HEPHL1: variants seen among roughly 807,000 people sequenced by gnomAD.
HEPHL1 encodes ferroxidase HEPHL1.
HEPHL1 carries 123 observed loss-of-function variants against 122.0 expected under a neutral mutation model. The ratio of observed to expected loss-of-function variants is 1.01; its 90% CI spans 0.87 to 1.17. The LOEUF (loss-of-function observed/expected upper bound fraction) is 1.17, where lower values mean the gene tolerates loss of function less well. Among genes scored for constraint, HEPHL1 ranks in the 50% most tolerant of loss-of-function variants. The pLI is 0.00. For missense variants in HEPHL1, 1,452 were observed against 1,430.5 expected, an observed-to-expected ratio of 1.01 and a Z score of -0.24; for synonymous variants, 527 against 508.9, an observed-to-expected ratio of 1.04 and a Z score of -0.48.
intron 2 of HEPHL1, chr11:94,055,384 C>T (rs532448387): frequency 4.6e-6 from 1 of 219,510 alleles, no homozygotes. Flanking sequence ...TCTGCAAGGT[C>T]GTTGCTAACC....
chr11:94,082,301 G>T, intron 9 of HEPHL1, 117 bp from the exon 10 acceptor site: 1 of 619,660 alleles, frequency 1.6e-6, no homozygotes, highest in Non-Finnish European at 2.6e-6. Context: ...GCGAACTCTT[G>T]GGCTGATGTT....
rs759918213 is a variant in HEPHL1 at position 94,067,640 on chromosome 11, A to G, written c.953A>G (p.His318Arg). 4.3e-6 allele frequency: 7 copies of G among 1,613,724 alleles called. No individual in the cohort carries two copies. The South Asian group carries it at 4.4e-5, about 10-fold the overall frequency. The change falls in exon 5 of 20, where the codon CAT (histidine) becomes CGT (arginine). Residue 318 changes from histidine (H) to arginine (R), a missense_variant. Coordinates refer to ENST00000315765, the MANE Select transcript of HEPHL1 (RefSeq NM_001098672.2). ...GGTAACACCTTCATCAGCAGAGGGC[A>G]TCGGACTGATGTCGTCAACCTGTTC... is the stretch of plus-strand genomic sequence containing the variant. ...FYGNTFISRG[H>R]RTDVVNLFPA...
At chr11:94,062,180 T>A (rs748518758) in intron 2 of HEPHL1, among the ~76,000 whole-genome samples, 3 of 152,188 alleles carry the variant, frequency 2.0e-5, no homozygotes, top group Non-Finnish European at 4.4e-5. Flanking sequence ...CCAGTAACTT[T>A]GATGGGAAGT....
rs368010496 is a variant in HEPHL1 at position 94,021,492 on chromosome 11, C to T, written c.124C>T (p.Pro42Ser). ...TGTGGAAGAATACTGGAACTATGTACCCCAAGGGAAGAATGTTATTACTGG... is the reference window on the plus strand; with the variant it reads ...TGTGGAAGAATACTGGAACTATGTATCCCAAGGGAAGAATGTTATTACTGG... Reference protein sequence around the residue: ...GIVEEYWNYVPQGKNVITGKS... With the variant: ...GIVEEYWNYVSQGKNVITGKS... Residue 42 changes from proline (P) to serine (S), a missense_variant, in exon 1 of 20, where the codon CCC becomes TCC. Pro to Ser is a moderately conservative substitution (Grantham distance 74). Coordinates refer to ENST00000315765, the MANE Select transcript of HEPHL1 (RefSeq NM_001098672.2). The T allele has an allele frequency of 1.2e-5, 20 of 1,612,390 alleles. No homozygotes were observed. In the East Asian group the frequency reaches 3.8e-4, roughly 31 times the overall value.
At chr11:94,033,098 G>A (rs1945690844) in intron 1 of HEPHL1, among the ~76,000 whole-genome samples, 1 of 152,184 alleles carries the variant, frequency 6.6e-6, no homozygotes, top group Non-Finnish European at 1.5e-5. Flanking sequence ...CTGCGCACTT[G>A]TTTTTCAAGT....
In HEPHL1 at chr11:94,078,571, CA is replaced by C. The variant is rs761954122; in HGVS notation, c.1716+3187del. 1.9e-3 allele frequency among the ~76,000 whole-genome samples: 290 copies of C among 151,258 alleles called. 1 individual carries two copies. Among genetic ancestry groups the C allele is most frequent in the Non-Finnish European group, 2.1e-3 (140 of 67,880 alleles). ...TCTCAGCACCTGCAGGCTGAGTCAACAGGCAGAAGACCCAGGAGAGCCAATG... is the reference window on the plus strand; with the variant it reads ...TCTCAGCACCTGCAGGCTGAGTCAACGGCAGAAGACCCAGGAGAGCCAATG... On this transcript the variant is annotated intron_variant, in intron 9 of 19. Transcript: ENST00000315765.
Position 94,032,692 on chromosome 11 carries a change from C to T in HEPHL1, c.170+11154C>T, listed in dbSNP as rs184838563. Among the ~76,000 whole-genome samples the T allele has an allele frequency of 2.4e-3, 368 of 152,084 alleles. 2 individuals are homozygous for T. Among genetic ancestry groups the T allele is most frequent in the African/African-American group, 7.5e-3 (310 of 41,484 alleles). ...AGGTAACCACCAGGTGATGGTCAGGCGGTTGTTAACTGTCTCTCTAAAGTA... is the reference window on the plus strand; with the variant it reads ...AGGTAACCACCAGGTGATGGTCAGGTGGTTGTTAACTGTCTCTCTAAAGTA... On this transcript the variant is annotated intron_variant, in intron 1 of 19. Coordinates refer to ENST00000315765, the MANE Select transcript of HEPHL1 (RefSeq NM_001098672.2).
intron 13 of HEPHL1, among the ~76,000 whole-genome samples, chr11:94,096,931 G>T (rs946016553): frequency 6.6e-6 from 1 of 151,868 alleles, no homozygotes; most frequent in Admixed American, 6.6e-5. Context: ...TAGTCTTGCT[G>T]GCAGTCTGTC....
At chr11:94,093,312 G>A (rs965001338) in intron 12 of HEPHL1, among the ~76,000 whole-genome samples, 189 bp from the exon 13 acceptor site, 6 of 152,052 alleles carry the variant, frequency 3.9e-5, no homozygotes, top group Non-Finnish European at 8.8e-5. Flanking sequence ...CAGAACTGAA[G>A]GAGCTTTAAA....
chr11:94,102,709 G>C (rs1946377369), intron 14 of HEPHL1, among the ~76,000 whole-genome samples: 2 of 152,200 alleles, frequency 1.3e-5, no homozygotes, highest in South Asian at 4.1e-4. Context: ...GGGAAGGCTG[G>C]AGCCTGAAAT....
At chr11:94,083,559 T>C (rs1349013795) in intron 10 of HEPHL1, among the ~76,000 whole-genome samples, 1 of 152,246 alleles carries the variant, frequency 6.6e-6, no homozygotes, top group Non-Finnish European at 1.5e-5. Context: ...CTGCTTGTTT[T>C]AGGACCCAGC....
chr11:94,037,114 A>C (rs1246338262), intron 1 of HEPHL1, among the ~76,000 whole-genome samples: 1 of 152,140 alleles, frequency 6.6e-6, no homozygotes, highest in African/African-American at 2.4e-5. Flanking sequence ...TGACGGACGC[A>C]CCTGGAAAAT....
At position 94,086,154 on chromosome 11, in the gene HEPHL1, T is replaced by C. The variant is rs981318584; in HGVS notation, c.2045T>C (p.Met682Thr). Residue 682 changes from methionine to threonine, a missense_variant, in exon 11 of 20, where the codon ATG becomes ACG. Met to Thr is a moderately conservative substitution (Grantham distance 81). Coordinates refer to ENST00000315765, the MANE Select transcript of HEPHL1 (RefSeq NM_001098672.2). ...GACTCCCTGGCCCTGTTTCCCCACA[T>C]GGCCACAACAGCATTCATGCAGCCA... ...HRDSLALFPHMATTAFMQPDH... is the reference protein window; with the variant it reads ...HRDSLALFPHTATTAFMQPDH... 5.0e-6 allele frequency: 8 copies of C among 1,612,416 alleles called. No homozygotes were observed. The African/African-American group carries it at 5.4e-5, about 11-fold the overall frequency.
chr11:94,080,505 C>T (rs1263079645), intron 9 of HEPHL1, among the ~76,000 whole-genome samples: 1 of 152,212 alleles, frequency 6.6e-6, no homozygotes, highest in African/African-American at 2.4e-5. Context: ...TCAGAGTGAA[C>T]AGACAACCTG....
rs768907805 is a variant in HEPHL1 at position 94,070,349 on chromosome 11, C to T, written c.1064-25C>T. The T allele has an allele frequency of 3.8e-6, 6 of 1,563,698 alleles. No homozygotes were observed. The East Asian group carries it at 7.0e-5, about 18-fold the overall frequency. ...CCTTTTGTGATCATTTATGCCTCAGCTCGTGGTTTTCCTCTGTTCTGCAGC... is the reference window on the plus strand; with the variant it reads ...CCTTTTGTGATCATTTATGCCTCAGTTCGTGGTTTTCCTCTGTTCTGCAGC... On this transcript the variant is annotated intron_variant, in intron 5 of 19. Transcript: ENST00000315765.
chr11:94,082,429 C>G lies in HEPHL1; in HGVS notation c.1728C>G (p.Asp576Glu). 1 of 1,608,658 alleles carries G rather than the reference C, an allele frequency of 6.2e-7. No homozygotes were observed. Among genetic ancestry groups the G allele is most frequent in the African/African-American group, 1.3e-5 (1 of 74,892 alleles). The change falls in exon 10 of 20, where the codon GAC (aspartate) becomes GAG (glutamate). Residue 576 changes from aspartate (D) to glutamate (E), a missense_variant. By Grantham distance (45) the Asp-to-Glu change is conservative. Transcript: ENST00000315765. ...LNADGTQKGI[D>E]KEFYLLFTVF... ...TTTCTTCTCTGTAGAAAGGAATAGACAAGGAGTTTTACCTACTGTTCACAG... is the reference window on the plus strand; with the variant it reads ...TTTCTTCTCTGTAGAAAGGAATAGAGAAGGAGTTTTACCTACTGTTCACAG...
intron 12 of HEPHL1, among the ~76,000 whole-genome samples, chr11:94,090,935 G>C (rs188109483): frequency 6.6e-6 from 1 of 152,304 alleles, no homozygotes; most frequent in East Asian, 1.9e-4. Flanking sequence ...ATCCCAGAAA[G>C]CCAACAAATG....
intron 1 of HEPHL1, among the ~76,000 whole-genome samples, chr11:94,039,564 A>G (rs1242835759): frequency 4.0e-5 from 6 of 151,876 alleles, no homozygotes; most frequent in African/African-American, 1.5e-4. Flanking sequence ...AGGATTAAGA[A>G]TCTCACTCAA....
At chr11:94,101,453 T>G (rs1461823543) in intron 14 of HEPHL1, 118 bp downstream of exon 14, 7 of 1,003,036 alleles carry the variant, frequency 7.0e-6, no homozygotes, top group African/African-American at 4.8e-5. Flanking sequence ...AGCCATCATC[T>G]AGTCACTCTG....
Sources: allele counts gnomAD v4.1 joint callset (sites outside exome capture counted in the v4.1 genomes callset), GRCh38; gene constraint gnomAD v4.1.1; transcripts MANE v1.5; gene names NCBI Gene and HGNC (gene_info 2026-07-23, HGNC 2026-07-21).